PDCD6IP: variants seen among roughly 807,000 people sequenced by gnomAD.
PDCD6IP encodes programmed cell death 6 interacting protein.
In PDCD6IP, 43 loss-of-function variants were observed where a neutral mutation model predicts 103.7. That is an observed-to-expected ratio of 0.41 (90% CI 0.32 to 0.53). The LOEUF is 0.53. Among genes scored for constraint, PDCD6IP ranks in the 20% least tolerant of loss-of-function variants. The probability of loss-of-function intolerance (pLI) is 0.16; values close to 1 mark genes in which losing one functional copy is unlikely to be tolerated. For missense variants in PDCD6IP, 871 were observed against 1,036.7 expected (o/e 0.84, Z 2.20); for synonymous variants, 354 against 378.7 (o/e 0.93, Z 0.76).
In PDCD6IP at chr3:33,825,334, A is replaced by G. The variant is rs763892573; in HGVS notation, c.610A>G (p.Thr204Ala). ...QAQEVFFLKA[T>A]RDKMKDAIIA... is the part of the protein sequence containing the mutation. ...TCAAGAAGTATTTTTTTTAAAAGCC[A>G]CAAGAGGTAACTCCAATTTATCTTT... The change falls in exon 5 of 18, where the codon ACA (threonine) becomes GCA (alanine). Residue 204 changes from threonine to alanine, a missense_variant. By Grantham distance (58) the Thr-to-Ala change is moderately conservative. This residue lies in a region of PDCD6IP where 242 missense variants were observed against 250.7 expected (regional missense o/e 0.97). Coordinates refer to ENST00000307296, the MANE Select transcript of PDCD6IP (RefSeq NM_013374.6). The G allele has an allele frequency of 8.2e-6, 13 of 1,593,432 alleles. No individual in the cohort carries two copies. Among genetic ancestry groups the G allele is most frequent in the Non-Finnish European group, 1.1e-5 (13 of 1,175,158 alleles).
At chr3:33,802,122 A>T (rs2125539734) in intron 1 of PDCD6IP, among the ~76,000 whole-genome samples, 1 of 152,280 alleles carries the variant, frequency 6.6e-6, no homozygotes, top group South Asian at 2.1e-4. Flanking sequence ...TGGGGCTCAG[A>T]TTCCTTTCAG....
At chr3:33,818,703 G>C (rs995625292) in intron 3 of PDCD6IP, among the ~76,000 whole-genome samples, 1 of 151,756 alleles carries the variant, frequency 6.6e-6, no homozygotes, top group East Asian at 1.9e-4. Context: ...ACTTTTAATA[G>C]AGACAGGGTT....
chr3:33,801,052 C>T (rs1447255245), intron 1 of PDCD6IP, among the ~76,000 whole-genome samples: 1 of 152,100 alleles, frequency 6.6e-6, no homozygotes, highest in Non-Finnish European at 1.5e-5. Context: ...CTGTATAATC[C>T]CCTCCTGCCA....
chr3:33,838,701 T>C (rs1697405557), intron 9 of PDCD6IP, among the ~76,000 whole-genome samples: 1 of 151,992 alleles, frequency 6.6e-6, no homozygotes. Context: ...AGGTATATTT[T>C]ACACACACAA....
intron 3 of PDCD6IP, among the ~76,000 whole-genome samples, chr3:33,821,737 G>A (rs909978539): frequency 9.2e-5 from 14 of 152,184 alleles, no homozygotes; most frequent in African/African-American, 3.4e-4. Flanking sequence ...ATAACTTACT[G>A]TTCTTCAGCG....
At chr3:33,828,037 A>G (rs1697167442) in intron 6 of PDCD6IP, 1 of 152,088 alleles carries the variant, frequency 6.6e-6, no homozygotes, top group African/African-American at 2.4e-5. Flanking sequence ...GGATTTTTTT[A>G]ATATCATATA....
intron 17 of PDCD6IP, among the ~76,000 whole-genome samples, chr3:33,865,879 A>G (rs1559801607): frequency 6.6e-6 from 1 of 152,202 alleles, no homozygotes; most frequent in African/African-American, 2.4e-5. Flanking sequence ...TAATTTCTTA[A>G]TTTTAAAAAT....
intron 1 of PDCD6IP, among the ~76,000 whole-genome samples, chr3:33,801,034 A>G (rs1389222445): frequency 6.6e-6 from 1 of 152,202 alleles, no homozygotes; most frequent in African/African-American, 2.4e-5. Context: ...ATGTTTCTTT[A>G]GTCACCTCTG....
At chr3:33,826,178 A>G (rs72859998) in intron 5 of PDCD6IP, among the ~76,000 whole-genome samples, 3,116 of 152,258 alleles carry the variant, frequency 0.02, 94 homozygotes, top group African/African-American at 0.071. Context: ...CTTTCTAAGT[A>G]TACAACATAA....
At chr3:33,806,400 G>A (rs772448516) in intron 1 of PDCD6IP, among the ~76,000 whole-genome samples, 11 of 152,198 alleles carry the variant, frequency 7.2e-5, no homozygotes, top group Non-Finnish European at 1.6e-4. Context: ...ACATAGCTAA[G>A]AGTTGGGATT....
intron 9 of PDCD6IP, among the ~76,000 whole-genome samples, chr3:33,839,477 TTTTATGGTTATACGGCAGTATTCCA>T (rs1559788403): frequency 1.3e-5 from 1 of 76,932 alleles, no homozygotes; most frequent in Non-Finnish European, 2.7e-5. Flanking sequence ...CAGTATTCCA[TTTTATGGTTATACGGCAGTATTCCA>T]TTTTATGGTT....
At position 33,852,437 on chromosome 3, in the gene PDCD6IP, C is replaced by CTTTT. The variant is rs59048229; in HGVS notation, c.1642-35_1642-32dup. 1.6e-4 allele frequency: 168 copies of CTTTT among 1,041,796 alleles called. 4 individuals carry two copies. Among genetic ancestry groups the CTTTT allele is most frequent in the African/African-American group, 1.3e-3 (55 of 42,144 alleles). 64.5% of individuals were successfully genotyped at this position (1,041,796 alleles called of 1,614,324 possible). A position where few individuals can be genotyped will look rare whatever the true frequency, so the allele number is the denominator to read the frequency against. On this transcript the variant is annotated intron_variant, in intron 12 of 17. Transcript: ENST00000307296. ...TATATTATTTCCTTCTCGAAATTGG[C>CTTTT]TTTTTTTTTTTTTTTTTTTGCAGTT...
intron 12 of PDCD6IP, among the ~76,000 whole-genome samples, chr3:33,847,617 C>A (rs1304060121): frequency 6.6e-6 from 1 of 152,094 alleles, no homozygotes; most frequent in Non-Finnish European, 1.5e-5. Flanking sequence ...TTAAAAAGTC[C>A]AAGTTTGATG....
chr3:33,866,213 GT>G (rs1698061123), intron 17 of PDCD6IP, 137 bp from the exon 18 acceptor site: 3 of 511,012 alleles, frequency 5.9e-6, no homozygotes, highest in Non-Finnish European at 9.9e-6. Flanking sequence ...CCTTGAAACA[GT>G]TTTTTTCACT....
chr3:33,815,440 C>A (rs1470755352), intron 3 of PDCD6IP, among the ~76,000 whole-genome samples: 5 of 152,086 alleles, frequency 3.3e-5, no homozygotes, highest in Admixed American at 1.3e-4. Flanking sequence ...CTATTATTGC[C>A]AGTTGAACAA....
intron 1 of PDCD6IP, among the ~76,000 whole-genome samples, chr3:33,804,930 G>T (rs1160321684): frequency 6.6e-6 from 1 of 152,232 alleles, no homozygotes; most frequent in East Asian, 1.9e-4. Flanking sequence ...TCATCCTCTA[G>T]TTGGTGGTCT....
At chr3:33,862,429 G>T (rs1426499951) in intron 15 of PDCD6IP, among the ~76,000 whole-genome samples, 2 of 152,050 alleles carry the variant, frequency 1.3e-5, no homozygotes, top group African/African-American at 2.4e-5. Flanking sequence ...GTTAATCAGT[G>T]CAGTGAAAAG....
At chr3:33,815,817 G>C (rs139118099) in intron 3 of PDCD6IP, among the ~76,000 whole-genome samples, 118 of 152,298 alleles carry the variant, frequency 7.7e-4, no homozygotes, top group Non-Finnish European at 1.3e-3. Flanking sequence ...CTGGCATTTT[G>C]AAATAAAGGA....
intron 3 of PDCD6IP, among the ~76,000 whole-genome samples, chr3:33,816,503 TAAAAAAAAAAAA>T (rs57317946): frequency 1.2e-4 from 7 of 57,636 alleles, no homozygotes; most frequent in South Asian, 5.5e-4. Flanking sequence ...AGATTCTGTC[TAAAAAAAAAAAA>T]AAAAAAAAAA....
Sources: gnomAD v4.1 joint callset for allele counts (sites outside exome capture counted in the v4.1 genomes callset) on GRCh38, gnomAD v4.1.1 for gene constraint, gnomAD v4.1.1 regional missense constraint, MANE v1.5 for transcripts, NCBI Gene and HGNC (gene_info 2026-07-23, HGNC 2026-07-21) for gene names.